Variants in CFAP299 observed in about 807,000 individuals in gnomAD.
CFAP299 encodes cilia- and flagella-associated protein 299.
In CFAP299, 21 loss-of-function variants were observed where a neutral mutation model predicts 27.0. The ratio of observed to expected loss-of-function variants is 0.78; its 90% CI spans 0.55 to 1.12. The LOEUF (loss-of-function observed/expected upper bound fraction) is 1.12. CFAP299 is among the 50% of genes most tolerant of loss of function. CFAP299 has a pLI of 0.00. For missense variants in CFAP299, 310 were observed against 276.6 expected (o/e 1.12, Z -0.86); for synonymous variants, 104 against 98.1 (o/e 1.06, Z -0.36).
At chr4:80,568,763 A>ATT (rs960232434) in intron 2 of CFAP299, among the ~76,000 whole-genome samples, 3 of 152,094 alleles carry the variant, frequency 2.0e-5, no homozygotes, top group African/African-American at 7.2e-5. Flanking sequence ...TGAGTCTTGT[A>ATT]TAGACGTTTT....
intron 2 of CFAP299, among the ~76,000 whole-genome samples, chr4:80,542,647 C>T (rs754218073): frequency 2.8e-4 from 42 of 152,132 alleles, no homozygotes; most frequent in Non-Finnish European, 5.4e-4. Context: ...CTGCTCTCTG[C>T]CAGTCCCTTC....
At chr4:80,627,378 A>G (rs1342997084) in intron 3 of CFAP299, among the ~76,000 whole-genome samples, 1 of 151,940 alleles carries the variant, frequency 6.6e-6, no homozygotes, top group Admixed American at 6.6e-5. Flanking sequence ...GATAAACCCC[A>G]TAGCTAACTC....
At chr4:80,660,139 G>C (rs1740766417) in intron 3 of CFAP299, among the ~76,000 whole-genome samples, 1 of 152,090 alleles carries the variant, frequency 6.6e-6, no homozygotes, top group Non-Finnish European at 1.5e-5. Context: ...TCAGTTTACA[G>C]GGAATAGAGG....
intron 2 of CFAP299, among the ~76,000 whole-genome samples, chr4:80,430,936 C>G (rs560897818): frequency 1.3e-5 from 2 of 152,192 alleles, no homozygotes; most frequent in African/African-American, 2.4e-5. Context: ...TTGTGGGAAC[C>G]TTTTCTTCCA....
chr4:80,388,727 C>A (rs999965062), intron 2 of CFAP299: 7 of 602,150 alleles, frequency 1.2e-5, no homozygotes, highest in South Asian at 2.3e-5. Flanking sequence ...CTTGGAGCCC[C>A]TATATTTCTT....
intron 2 of CFAP299, among the ~76,000 whole-genome samples, chr4:80,577,396 CATTT>C (rs1250649780): frequency 5.8e-5 from 5 of 85,486 alleles, no homozygotes; most frequent in Admixed American, 1.6e-4. Flanking sequence ...TATTAGAAAA[CATTT>C]TTTTTTTTTT....
chr4:80,548,372 G>A (rs1267251287), intron 2 of CFAP299, among the ~76,000 whole-genome samples: 1 of 152,126 alleles, frequency 6.6e-6, no homozygotes, highest in African/African-American at 2.4e-5. Context: ...TAGGTACTAG[G>A]TAGGGACAGC....
chr4:80,887,886 C>A (rs1440850867), intron 4 of CFAP299, among the ~76,000 whole-genome samples: 1 of 151,884 alleles, frequency 6.6e-6, no homozygotes, highest in African/African-American at 2.4e-5. Context: ...TGTATATAAT[C>A]CGTATTAAGT....
intron 3 of CFAP299, among the ~76,000 whole-genome samples, chr4:80,817,757 A>G (rs556845420): frequency 6.7e-6 from 1 of 150,306 alleles, no homozygotes; most frequent in South Asian, 2.1e-4. Context: ...TTTACCTTTT[A>G]GTTGTATCTA....
chr4:80,573,100 G>T (rs1325621035), intron 2 of CFAP299, among the ~76,000 whole-genome samples: 1 of 151,838 alleles, frequency 6.6e-6, no homozygotes, highest in Non-Finnish European at 1.5e-5. Flanking sequence ...AGTGTATCAG[G>T]GTTCTCTTTT....
At chr4:80,661,422 C>T (rs1343177932) in intron 3 of CFAP299, among the ~76,000 whole-genome samples, 1 of 151,690 alleles carries the variant, frequency 6.6e-6, no homozygotes, top group African/African-American at 2.4e-5. Context: ...GTGAAGATTT[C>T]ATAGACATTT....
intron 2 of CFAP299, chr4:80,386,892 C>G: frequency 1.2e-6 from 1 of 844,748 alleles, no homozygotes. Flanking sequence ...GCACACCGAG[C>G]ATTTGTAGGG....
intron 4 of CFAP299, among the ~76,000 whole-genome samples, chr4:80,882,626 A>G (rs183899668): frequency 1.1e-3 from 170 of 149,252 alleles, no homozygotes; most frequent in Admixed American, 2.1e-3. Context: ...CAAAAGAGCG[A>G]GACTCCGTCT....
intron 1 of CFAP299, among the ~76,000 whole-genome samples, chr4:80,357,195 A>G (rs1723320481): frequency 6.6e-6 from 1 of 152,110 alleles, no homozygotes; most frequent in Non-Finnish European, 1.5e-5. Context: ...AGCCAACTTG[A>G]TTGTGGTGGA....
intron 3 of CFAP299, among the ~76,000 whole-genome samples, chr4:80,675,065 G>A (rs1719347578): frequency 6.6e-6 from 1 of 152,150 alleles, no homozygotes; most frequent in Admixed American, 6.5e-5. Context: ...TTGTTGCATT[G>A]CTGGTGAGGA....
intron 1 of CFAP299, among the ~76,000 whole-genome samples, chr4:80,337,961 CT>C (rs1722237463): frequency 6.6e-6 from 1 of 152,114 alleles, no homozygotes; most frequent in Admixed American, 6.5e-5. Context: ...CAAATACTTT[CT>C]GTGGATGTAA....
chr4:80,668,875 G>A lies in CFAP299; in HGVS notation c.333+85692G>A, dbSNP rs72864811. Among the ~76,000 whole-genome samples the A allele has an allele frequency of 7.9e-5, 12 of 151,882 alleles. No individual in the cohort carries two copies. In the South Asian group the frequency reaches 8.3e-4, roughly 11 times the overall value. ...AGCATGACATTGTTTTTTTGATAGG[G>A]ATTGCACTGAATCTATAAAGTGCTT... On this transcript the variant is annotated intron_variant, in intron 3 of 5. Transcript: ENST00000358105.
At chr4:80,945,310 G>A in intron 5 of CFAP299, among the ~76,000 whole-genome samples, 1 of 152,132 alleles carries the variant, frequency 6.6e-6, no homozygotes, top group African/African-American at 2.4e-5. Context: ...GGGAGATTCT[G>A]AACTTACATT....
chr4:80,869,926 C>A (rs772632407), intron 3 of CFAP299, 67 bp from the exon 4 acceptor site: 121 of 1,451,658 alleles, frequency 8.3e-5, no homozygotes, highest in Non-Finnish European at 1.1e-4. Flanking sequence ...ATCATTCTAT[C>A]CTATGGCATT....
Sources: gnomAD v4.1 joint callset for allele counts (sites outside exome capture counted in the v4.1 genomes callset) on GRCh38, gnomAD v4.1.1 for gene constraint, MANE v1.5 for transcripts, NCBI Gene and HGNC (gene_info 2026-07-23, HGNC 2026-07-21) for gene names.